FRMD3: variants seen among roughly 807,000 people sequenced by gnomAD.
FRMD3 encodes the protein FERM domain containing 3.
A neutral mutation model predicts 70.2 loss-of-function variants in FRMD3; 33 were observed. The observed-to-expected ratio is 0.47, with a 90% CI of 0.36 to 0.63. The LOEUF (loss-of-function observed/expected upper bound fraction) is 0.63. Among genes scored for constraint, FRMD3 ranks in the 20% least tolerant of loss-of-function variants. The probability of loss-of-function intolerance (pLI) is 0.00; values close to 1 mark genes in which losing one functional copy is unlikely to be tolerated. For missense variants in FRMD3, 632 were observed against 711.4 expected, an observed-to-expected ratio of 0.89 and a Z score of 1.27; for synonymous variants, 279 against 255.9, an observed-to-expected ratio of 1.09 and a Z score of -0.86.
At chr9:83,562,611 G>C in the FRMD3 span, among the ~76,000 whole-genome samples, 1 of 152,202 alleles carries the variant, frequency 6.6e-6, no homozygotes, top group Non-Finnish European at 1.5e-5. Flanking sequence ...TAGCTGTCCT[G>C]TTCACCACAC....
intron 1 of FRMD3, among the ~76,000 whole-genome samples, chr9:83,484,925 G>T (rs1828652733): frequency 6.6e-6 from 1 of 152,118 alleles, no homozygotes; most frequent in Non-Finnish European, 1.5e-5. Context: ...TAGTCAAAAA[G>T]GAAAACATAA....
At chr9:83,443,602 C>T (rs1035806179) in intron 1 of FRMD3, among the ~76,000 whole-genome samples, 23 of 152,196 alleles carry the variant, frequency 1.5e-4, no homozygotes, top group Admixed American at 2.6e-4. Flanking sequence ...AATAAACATA[C>T]ATGTGCATGT....
intron 1 of FRMD3, among the ~76,000 whole-genome samples, chr9:83,516,934 C>T (rs1829467148): frequency 6.6e-6 from 1 of 152,082 alleles, no homozygotes; most frequent in East Asian, 1.9e-4. Flanking sequence ...TGAGAACAGA[C>T]ACAATGTACC....
intron 3 of FRMD3, among the ~76,000 whole-genome samples, chr9:83,370,993 G>A (rs1366497399): frequency 1.3e-5 from 2 of 152,116 alleles, no homozygotes; most frequent in African/African-American, 4.8e-5. Context: ...TTTCTCACAA[G>A]TTTTAAACTT....
the FRMD3 span, among the ~76,000 whole-genome samples, chr9:83,578,759 A>G: frequency 6.6e-6 from 1 of 152,060 alleles, no homozygotes; most frequent in African/African-American, 2.4e-5. Context: ...GTTCAGGGAC[A>G]ACACAGGGAT....
intron 3 of FRMD3, among the ~76,000 whole-genome samples, chr9:83,353,999 A>G (rs1187362243): frequency 6.6e-6 from 1 of 151,896 alleles, no homozygotes; most frequent in Admixed American, 6.6e-5. Flanking sequence ...ATCTCAGCTC[A>G]CTGCAACCTC....
chr9:83,476,858 C>T (rs1332760389), intron 1 of FRMD3, among the ~76,000 whole-genome samples: 1 of 152,100 alleles, frequency 6.6e-6, no homozygotes, highest in Non-Finnish European at 1.5e-5. Context: ...TCCTTTGTGG[C>T]CCTTACTCTA....
At chr9:83,322,613 C>CT (rs1437625104) in intron 6 of FRMD3, among the ~76,000 whole-genome samples, 6 of 152,202 alleles carry the variant, frequency 3.9e-5, no homozygotes, top group Admixed American at 3.3e-4. Flanking sequence ...TGTGGGTTCT[C>CT]TTTCTAGAGG....
intron 1 of FRMD3, among the ~76,000 whole-genome samples, chr9:83,411,513 A>G (rs1387219187): frequency 6.6e-6 from 1 of 152,338 alleles, no homozygotes; most frequent in East Asian, 1.9e-4. Context: ...GGGGGAAGAA[A>G]GAAGGGAGGA....
At chr9:83,404,614 T>C (rs1385829807) in intron 1 of FRMD3, among the ~76,000 whole-genome samples, 2 of 151,982 alleles carry the variant, frequency 1.3e-5, no homozygotes, top group African/African-American at 2.4e-5. Flanking sequence ...TTAAGACAAA[T>C]ATAAAATGAA....
chr9:83,422,565 T>C (rs572167499), intron 1 of FRMD3, among the ~76,000 whole-genome samples: 3 of 152,228 alleles, frequency 2.0e-5, no homozygotes, highest in African/African-American at 4.8e-5. Context: ...TTTCCTCTCA[T>C]AGCAAGCTTC....
At chr9:83,249,486 G>A (rs940695376) in intron 13 of FRMD3, among the ~76,000 whole-genome samples, 3 of 152,148 alleles carry the variant, frequency 2.0e-5, no homozygotes, top group African/African-American at 7.2e-5. Context: ...ATGGCAGCCA[G>A]GTGCATTTCG....
At chr9:83,559,141 T>C in the FRMD3 span, among the ~76,000 whole-genome samples, 11 of 152,174 alleles carry the variant, frequency 7.2e-5, no homozygotes, top group South Asian at 2.1e-4. Flanking sequence ...AGACATTCTA[T>C]TGTGGATTAA....
intron 13 of FRMD3, among the ~76,000 whole-genome samples, chr9:83,256,548 A>C (rs1832716512): frequency 6.6e-6 from 1 of 152,126 alleles, no homozygotes; most frequent in East Asian, 1.9e-4. Context: ...AGAGCACAGC[A>C]AAAGAAACCA....
chr9:83,313,649 G>A lies in FRMD3; in HGVS notation c.684+11C>T. 1 of 1,605,780 alleles carries A rather than the reference G, an allele frequency of 6.2e-7. No homozygotes were observed. On this transcript the variant is annotated intron_variant, in intron 7 of 13. Coordinates refer to ENST00000304195, the MANE Select transcript of FRMD3 (RefSeq NM_174938.6). ...ACCATTATATGGTGACCTGCTGTGA[G>A]GGGCAGTTACCTTGCATGGGTGAGG... is the stretch of plus-strand genomic sequence containing the variant.
chr9:83,298,769 C>T lies in FRMD3; in HGVS notation c.1049G>A (p.Arg350Lys). ...EVVEASSKIQ[R>K]EPPEVHRANI... ...TCACCTGTGCACCTCAGGAGGCTCC[C>T]TCTGGATCTTGGAACTGGCCTCCAC... is the stretch of plus-strand genomic sequence containing the variant. The change falls in exon 12 of 14, where the codon AGG (arginine) becomes AAG (lysine). Residue 350 changes from arginine to lysine, a missense_variant. Coordinates refer to ENST00000304195, the MANE Select transcript of FRMD3 (RefSeq NM_174938.6). 1 of 1,614,216 alleles carries T rather than the reference C, an allele frequency of 6.2e-7. No individual in the cohort carries two copies. The highest frequency in any genetic ancestry group is 8.5e-7 in the Non-Finnish European group (1 of 1,180,024).
the FRMD3 span, among the ~76,000 whole-genome samples, chr9:83,571,849 G>A: frequency 3.3e-5 from 5 of 152,188 alleles, no homozygotes; most frequent in Non-Finnish European, 4.4e-5. Flanking sequence ...GTGTTTCAAA[G>A]AGAATGAGAG....
At chr9:83,492,522 C>T (rs905813955) in intron 1 of FRMD3, among the ~76,000 whole-genome samples, 6 of 152,328 alleles carry the variant, frequency 3.9e-5, no homozygotes, top group African/African-American at 1.4e-4. Flanking sequence ...CGCCCGTGCT[C>T]CCCTGGGGCC....
At chr9:83,269,825 C>G (rs1286889509) in intron 13 of FRMD3, among the ~76,000 whole-genome samples, 1 of 152,156 alleles carries the variant, frequency 6.6e-6, no homozygotes, top group East Asian at 1.9e-4. Flanking sequence ...ACTTTTTCCC[C>G]TCTTAAACCT....
Sources: gnomAD v4.1 joint callset for allele counts (sites outside exome capture counted in the v4.1 genomes callset) on GRCh38, gnomAD v4.1.1 for gene constraint, MANE v1.5 for transcripts, NCBI Gene and HGNC (gene_info 2026-07-23, HGNC 2026-07-21) for gene names.